Variants in PDE11A observed in about 807,000 individuals in gnomAD.
PDE11A encodes the protein dual 3',5'-cyclic-AMP and -GMP phosphodiesterase 11A.
In PDE11A, 100 loss-of-function variants were observed where a neutral mutation model predicts 100.5. The observed-to-expected ratio is 1.00, with a 90% CI of 0.85 to 1.18. The LOEUF (loss-of-function observed/expected upper bound fraction) is 1.18. Ranked by LOEUF, PDE11A falls within the 50% of genes most tolerant of loss-of-function variation. The probability of loss-of-function intolerance (pLI) is 0.00; values close to 1 mark genes in which losing one functional copy is unlikely to be tolerated. For synonymous variants in PDE11A, 381 were observed against 420.8 expected, an observed-to-expected ratio of 0.91 and a Z score of 1.16; for missense variants, 1,141 against 1,152.6, an observed-to-expected ratio of 0.99 and a Z score of 0.15.
rs971958963 is a variant in PDE11A, at chr2:178,003,646, T to A, written c.1071+10656A>T. Reference sequence around the variant, plus strand: ...TGGGGTGATGGAAATGTTCTAAAATTGAGTGTGGTGATGGTTTACACAACT... The same window carrying A: ...TGGGGTGATGGAAATGTTCTAAAATAGAGTGTGGTGATGGTTTACACAACT... On this transcript the variant is annotated intron_variant, in intron 2 of 19. Coordinates refer to ENST00000286063, the MANE Select transcript of PDE11A (RefSeq NM_016953.4). Among the ~76,000 whole-genome samples the A allele has an allele frequency of 4.6e-5, 7 of 152,096 alleles. No homozygotes were observed. The South Asian group carries it at 6.2e-4, about 14-fold the overall frequency.
chr2:177,878,269 C>T (rs1191389800), intron 4 of PDE11A, among the ~76,000 whole-genome samples: 1 of 152,092 alleles, frequency 6.6e-6, no homozygotes, highest in Admixed American at 6.6e-5. Context: ...ATCTTCTATC[C>T]CATATTCTTC....
At chr2:177,810,750 C>T (rs1359019025) in intron 9 of PDE11A, among the ~76,000 whole-genome samples, 2 of 152,074 alleles carry the variant, frequency 1.3e-5, no homozygotes, top group Non-Finnish European at 1.5e-5. Flanking sequence ...AATTTAAGGT[C>T]TATGAGTGGG....
exon 2 of PDE11A, chr2:178,104,351 T>C: frequency 6.2e-7 from 1 of 1,614,140 alleles, no homozygotes; most frequent in Non-Finnish European, 8.5e-7. Flanking sequence ...CTTTTCCTGT[T>C]TTTCAGCCAA....
At chr2:177,908,974 T>G (rs563614873) in intron 2 of PDE11A, among the ~76,000 whole-genome samples, 1 of 152,324 alleles carries the variant, frequency 6.6e-6, no homozygotes, top group South Asian at 2.1e-4. Context: ...ATTAGTTCTT[T>G]TCATCTACCC....
At chr2:178,081,085 A>C (rs2087279488) in intron 2 of PDE11A, among the ~76,000 whole-genome samples, 1 of 152,184 alleles carries the variant, frequency 6.6e-6, no homozygotes, top group African/African-American at 2.4e-5. Context: ...TGTAATATGA[A>C]ATAGTACTAA....
chr2:177,721,369 G>A (rs1029195489), intron 12 of PDE11A, among the ~76,000 whole-genome samples: 2 of 152,148 alleles, frequency 1.3e-5, no homozygotes, highest in Middle Eastern at 3.4e-3. Context: ...TCCTAATGTG[G>A]TCAAATAAAA....
intron 2 of PDE11A, among the ~76,000 whole-genome samples, chr2:177,914,755 AT>A (rs2084928519): frequency 6.6e-6 from 1 of 152,118 alleles, no homozygotes; most frequent in Non-Finnish European, 1.5e-5. Flanking sequence ...CTCTTACACT[AT>A]TTTCTGATGA....
chr2:177,814,444 G>A (rs529882872), intron 9 of PDE11A, among the ~76,000 whole-genome samples: 4 of 152,094 alleles, frequency 2.6e-5, no homozygotes, highest in African/African-American at 4.8e-5. Flanking sequence ...CAGGGAGCGG[G>A]GTGGATGCCA....
chr2:177,913,310 T>C (rs1030262973), intron 2 of PDE11A, among the ~76,000 whole-genome samples: 11 of 152,172 alleles, frequency 7.2e-5, no homozygotes, highest in Admixed American at 6.5e-4. Context: ...AGCGTTGATA[T>C]TGGAACTTAC....
At chr2:177,652,420 T>C (rs2080324553) in intron 19 of PDE11A, among the ~76,000 whole-genome samples, 1 of 151,984 alleles carries the variant, frequency 6.6e-6, no homozygotes, top group South Asian at 2.1e-4. Flanking sequence ...GTGTGGAACA[T>C]TTAGCTTATG....
intron 10 of PDE11A, among the ~76,000 whole-genome samples, chr2:177,754,150 G>C (rs778605386): frequency 2.0e-5 from 3 of 152,172 alleles, no homozygotes; most frequent in Non-Finnish European, 4.4e-5. Context: ...CAATGCTGAC[G>C]CATGAAGGCT....
intron 18 of PDE11A, among the ~76,000 whole-genome samples, chr2:177,666,630 T>C (rs2080589391): frequency 6.6e-6 from 1 of 152,230 alleles, no homozygotes; most frequent in South Asian, 2.1e-4. Context: ...GGTTTCAGTT[T>C]GCATTTCCCT....
intron 2 of PDE11A, among the ~76,000 whole-genome samples, chr2:178,098,849 T>C (rs1322013557): frequency 6.6e-6 from 1 of 152,158 alleles, no homozygotes; most frequent in Non-Finnish European, 1.5e-5. Flanking sequence ...AAATTTGACA[T>C]GACAATAAGC....
intron 10 of PDE11A, among the ~76,000 whole-genome samples, chr2:177,748,723 C>T (rs1055026887): frequency 6.6e-6 from 1 of 151,958 alleles, no homozygotes; most frequent in Admixed American, 6.6e-5. Context: ...ACTAGTAAAT[C>T]CTGATGTTGA....
intron 6 of PDE11A, among the ~76,000 whole-genome samples, chr2:177,828,546 A>C (rs2083262180): frequency 6.6e-6 from 1 of 152,166 alleles, no homozygotes; most frequent in Non-Finnish European, 1.5e-5. Context: ...AACAGATAAG[A>C]GGGGTAAGGA....
rs1057038608 is a variant in PDE11A, at chr2:178,033,271, A to T, written c.913-18811T>A. Among the ~76,000 whole-genome samples, 15 of 152,186 alleles carry T rather than the reference A, an allele frequency of 9.9e-5. 1 individual carries two copies. ...GTAGCATACACAAGTATCAACAACC[A>T]AATTTATCAAGTGGGAGAAAGAATA... On this transcript the variant is annotated intron_variant, in intron 1 of 19. Coordinates refer to ENST00000286063, the MANE Select transcript of PDE11A (RefSeq NM_016953.4).
chr2:177,848,933 A>G (rs1310722777), intron 5 of PDE11A, among the ~76,000 whole-genome samples: 6 of 152,242 alleles, frequency 3.9e-5, no homozygotes, highest in South Asian at 2.1e-4. Flanking sequence ...GAGTCTCCAC[A>G]TTAGAAGACA....
chr2:178,079,830 A>G (rs1379010671), intron 2 of PDE11A, among the ~76,000 whole-genome samples: 1 of 152,114 alleles, frequency 6.6e-6, no homozygotes, highest in Non-Finnish European at 1.5e-5. Flanking sequence ...ATAATTGCCA[A>G]GAAACAATTC....
intron 19 of PDE11A, among the ~76,000 whole-genome samples, chr2:177,632,158 G>A (rs73977678): frequency 0.065 from 9,873 of 152,244 alleles, 885 homozygotes; most frequent in African/African-American, 0.2. Context: ...TAACATAAAA[G>A]GGAAGCTCTT....
Sources: gnomAD v4.1 joint callset for allele counts (sites outside exome capture counted in the v4.1 genomes callset) on GRCh38, gnomAD v4.1.1 for gene constraint, MANE v1.5 for transcripts, NCBI Gene and HGNC (gene_info 2026-07-23, HGNC 2026-07-21) for gene names.